The following NRXN1 variants were observed in gnomAD, a reference collection of about 807,000 sequenced individuals.
The protein encoded by NRXN1 is neurexin-1.
Under a neutral mutation model 150.9 loss-of-function variants are expected in NRXN1, and 39 were observed. The ratio of observed to expected loss-of-function variants is 0.26; its 90% CI spans 0.20 to 0.34. The LOEUF (loss-of-function observed/expected upper bound fraction) is 0.34, where lower values mean the gene tolerates loss of function less well. Among genes scored for constraint, NRXN1 ranks in the 10% least tolerant of loss-of-function variants. The probability of loss-of-function intolerance (pLI) is 1.00; values close to 1 mark genes in which losing one functional copy is unlikely to be tolerated. For missense variants in NRXN1, 1,815 were observed against 1,949.9 expected, an observed-to-expected ratio of 0.93 and a Z score of 1.30; for synonymous variants, 924 against 757.0, an observed-to-expected ratio of 1.22 and a Z score of -3.62.
intron 15 of NRXN1, among the ~76,000 whole-genome samples, chr2:50,472,844 A>C (rs1362046407): frequency 7.8e-6 from 1 of 128,912 alleles, no homozygotes; most frequent in Admixed American, 7.3e-5. Context: ...TATATATATA[A>C]GTTTCTCTGA....
At chr2:50,073,374 T>C (rs942875134) in intron 19 of NRXN1, among the ~76,000 whole-genome samples, 3 of 152,200 alleles carry the variant, frequency 2.0e-5, no homozygotes, top group African/African-American at 7.2e-5. Context: ...TCTGAATAAA[T>C]TACTGAATTC....
chr2:50,450,675 C>T (rs2086874823), intron 17 of NRXN1, among the ~76,000 whole-genome samples: 3 of 152,078 alleles, frequency 2.0e-5, no homozygotes, highest in African/African-American at 4.8e-5. Context: ...ATAAGTTATC[C>T]TTGGAAAGTG....
intron 8 of NRXN1, among the ~76,000 whole-genome samples, chr2:50,578,983 C>A (rs1447239934): frequency 6.6e-6 from 1 of 152,160 alleles, no homozygotes; most frequent in Non-Finnish European, 1.5e-5. Context: ...CACTTCTTAC[C>A]TGCAGCACAC....
intron 22 of NRXN1, 63 bp downstream of exon 22, chr2:49,943,641 G>A (rs1042182297): frequency 5.4e-6 from 6 of 1,107,200 alleles, no homozygotes; most frequent in Non-Finnish European, 8.2e-6. Flanking sequence ...CCCTTCTAAG[G>A]AATATAACAT....
At chr2:49,973,828 A>G (rs1166833571) in intron 21 of NRXN1, 2 of 587,364 alleles carry the variant, frequency 3.4e-6, no homozygotes, top group African/African-American at 3.7e-5. Flanking sequence ...GAAATATTTT[A>G]ACATAAATCT....
chr2:50,238,426 G>T (rs1338207175), intron 17 of NRXN1, among the ~76,000 whole-genome samples: 1 of 151,854 alleles, frequency 6.6e-6, no homozygotes, highest in Non-Finnish European at 1.5e-5. Flanking sequence ...CTAACTTGCA[G>T]ACAGCAGATC....
intron 21 of NRXN1, among the ~76,000 whole-genome samples, chr2:50,010,523 T>C (rs1573388588): frequency 6.6e-6 from 1 of 152,272 alleles, no homozygotes; most frequent in East Asian, 1.9e-4. Context: ...AATGCCCTGC[T>C]AGCCCCTTCT....
intron 5 of NRXN1, among the ~76,000 whole-genome samples, chr2:50,696,864 C>G (rs1158451508): frequency 6.6e-6 from 1 of 152,188 alleles, no homozygotes; most frequent in East Asian, 1.9e-4. Flanking sequence ...CATGTAATCA[C>G]ATCATTTGAG....
At chr2:50,078,978 C>T (rs1052464569) in intron 19 of NRXN1, among the ~76,000 whole-genome samples, 2 of 152,068 alleles carry the variant, frequency 1.3e-5, no homozygotes, top group African/African-American at 4.8e-5. Context: ...ACAATTTTTA[C>T]ATTGGGATTC....
At chr2:50,851,933 T>C (rs1439149744) in intron 5 of NRXN1, among the ~76,000 whole-genome samples, 10 of 152,204 alleles carry the variant, frequency 6.6e-5, no homozygotes, top group Non-Finnish European at 1.3e-4. Flanking sequence ...ATACTCTTAA[T>C]AGTGCCTTTG....
At chr2:50,988,468 A>G (rs967344730) in intron 2 of NRXN1, among the ~76,000 whole-genome samples, 1 of 151,962 alleles carries the variant, frequency 6.6e-6, no homozygotes, top group African/African-American at 2.4e-5. Flanking sequence ...TTGGAAAATC[A>G]AACGAGAATG....
At chr2:50,700,197 A>G (rs1693532636) in intron 5 of NRXN1, among the ~76,000 whole-genome samples, 1 of 152,228 alleles carries the variant, frequency 6.6e-6, no homozygotes, top group Non-Finnish European at 1.5e-5. Context: ...ATCCAAATCT[A>G]AAGTCATCTA....
At chr2:50,986,085 T>C (rs1697654086) in intron 2 of NRXN1, among the ~76,000 whole-genome samples, 1 of 151,726 alleles carries the variant, frequency 6.6e-6, no homozygotes, top group African/African-American at 2.4e-5. Flanking sequence ...TATAGATTAA[T>C]ATAATTAAAG....
intron 17 of NRXN1, among the ~76,000 whole-genome samples, chr2:50,380,732 A>C (rs546839224): frequency 6.6e-6 from 1 of 152,260 alleles, no homozygotes; most frequent in East Asian, 1.9e-4. Context: ...TAGTATTAAT[A>C]ATAAAAGCCA....
chr2:50,395,074 C>A, intron 17 of NRXN1, among the ~76,000 whole-genome samples: 1 of 151,986 alleles, frequency 6.6e-6, no homozygotes, highest in East Asian at 1.9e-4. Context: ...CCCTGCTATG[C>A]TTTTCTTCAT....
chr2:49,976,853 A>G (rs1679081074), intron 21 of NRXN1, among the ~76,000 whole-genome samples: 2 of 152,216 alleles, frequency 1.3e-5, no homozygotes, highest in Admixed American at 6.5e-5. Context: ...AATGATTTGT[A>G]TATTTACCCA....
intron 19 of NRXN1, among the ~76,000 whole-genome samples, chr2:50,060,370 C>G (rs930505251): frequency 6.6e-6 from 1 of 152,090 alleles, no homozygotes; most frequent in African/African-American, 2.4e-5. Context: ...ATGCCTGCAC[C>G]CCCACGGAAT....
chr2:50,175,276 T>C (rs533125575), intron 18 of NRXN1: 1 of 152,306 alleles, frequency 6.6e-6, no homozygotes, highest in Admixed American at 6.5e-5. Flanking sequence ...TCAATGGTTA[T>C]AAAGAAGTTA....
intron 18 of NRXN1, among the ~76,000 whole-genome samples, chr2:50,190,011 A>G (rs932881673): frequency 6.6e-6 from 1 of 152,290 alleles, no homozygotes; most frequent in South Asian, 2.1e-4. Flanking sequence ...CAAAAGGCTG[A>G]AAGAATCAGA....
Sources: allele counts gnomAD v4.1 joint callset (sites outside exome capture counted in the v4.1 genomes callset), GRCh38; gene constraint gnomAD v4.1.1; transcripts MANE v1.5; gene names NCBI Gene and HGNC (gene_info 2026-07-23, HGNC 2026-07-21).